Variants in WDPCP observed in about 807,000 individuals in gnomAD.
WDPCP encodes the protein WD repeat containing planar cell polarity effector.
WDPCP carries 71 observed loss-of-function variants against 93.1 expected under a neutral mutation model. The ratio of observed to expected loss-of-function variants is 0.76; its 90% CI spans 0.63 to 0.93. WDPCP has a LOEUF of 0.93. Ranked by LOEUF, WDPCP falls within the 40% of genes least tolerant of loss-of-function variation. WDPCP has a pLI of 0.00. For missense variants in WDPCP, 844 were observed against 887.4 expected (o/e 0.95, Z 0.62); for synonymous variants, 315 against 315.0 (o/e 1.00, Z 0.00).
intron 10 of WDPCP, among the ~76,000 whole-genome samples, chr2:63,388,617 G>C (rs541072668): frequency 2.6e-5 from 4 of 152,192 alleles, no homozygotes; most frequent in African/African-American, 4.8e-5. Context: ...AAAGGAGCAT[G>C]TTCAAACCCA....
chr2:63,506,777 A>T (rs1701902090), intron 1 of WDPCP, among the ~76,000 whole-genome samples: 1 of 152,094 alleles, frequency 6.6e-6, no homozygotes, highest in African/African-American at 2.4e-5. Flanking sequence ...CTACCACAGA[A>T]GAAAATTGAA....
chr2:63,514,587 A>G (rs571236893), intron 1 of WDPCP, among the ~76,000 whole-genome samples: 62 of 152,278 alleles, frequency 4.1e-4, no homozygotes, highest in African/African-American at 1.5e-3. Context: ...GCACTTAAAA[A>G]TAGGTACAAA....
At chr2:63,686,258 C>T (rs1160676271) in intron 2 of WDPCP, among the ~76,000 whole-genome samples, 1 of 151,996 alleles carries the variant, frequency 6.6e-6, no homozygotes, top group African/African-American at 2.4e-5. Context: ...AAGTTGCATA[C>T]AAAATCAATA....
At chr2:63,595,695 A>G (rs1292834170) in intron 3 of WDPCP, among the ~76,000 whole-genome samples, 1 of 152,220 alleles carries the variant, frequency 6.6e-6, no homozygotes, top group East Asian at 1.9e-4. Flanking sequence ...AGGGTAAGAA[A>G]TGAGCAACAA....
chr2:63,535,663 A>G lies in WDPCP; in HGVS notation c.76-42723T>C, dbSNP rs183272025. The stretch of plus-strand genomic sequence containing the variant: ...CTAGGAAAACTGGCTAGCCATATGT[A>G]GAAAGCTGAAACTGGATCCCTTCCT... On this transcript the variant is annotated intron_variant, in intron 1 of 17. Coordinates refer to ENST00000272321, the MANE Select transcript of WDPCP (RefSeq NM_015910.7). Among the ~76,000 whole-genome samples the G allele has an allele frequency of 1.4e-3, 214 of 152,344 alleles. 1 individual carries two copies. Among genetic ancestry groups the G allele is most frequent in the Non-Finnish European group, 2.7e-3 (183 of 68,010 alleles).
At chr2:63,227,226 C>T (rs1263487006) in intron 14 of WDPCP, among the ~76,000 whole-genome samples, 3 of 151,870 alleles carry the variant, frequency 2.0e-5, no homozygotes, top group Non-Finnish European at 4.4e-5. Context: ...GAACAACTTC[C>T]TTTAGTTCTA....
intron 2 of WDPCP, among the ~76,000 whole-genome samples, chr2:63,786,964 T>C (rs113114080): frequency 5.3e-5 from 8 of 152,314 alleles, no homozygotes; most frequent in African/African-American, 1.7e-4. Context: ...ATATGTCAAA[T>C]GAACGAATGA....
At chr2:63,207,382 C>A (rs1676421663) in intron 14 of WDPCP, among the ~76,000 whole-genome samples, 1 of 152,132 alleles carries the variant, frequency 6.6e-6, no homozygotes, top group African/African-American at 2.4e-5. Context: ...TTCCCCTTCA[C>A]CCTACCACCC....
At chr2:63,424,415 G>C (rs1696103360) in intron 9 of WDPCP, among the ~76,000 whole-genome samples, 1 of 152,156 alleles carries the variant, frequency 6.6e-6, no homozygotes, top group African/African-American at 2.4e-5. Flanking sequence ...ACTGAGGCAT[G>C]ACTGTTCTTC....
intron 2 of WDPCP, among the ~76,000 whole-genome samples, chr2:63,780,079 C>T (rs938183370): frequency 6.6e-6 from 1 of 152,092 alleles, no homozygotes; most frequent in Non-Finnish European, 1.5e-5. Context: ...TACCTATAAC[C>T]CCCTCACGGC....
At chr2:63,466,972 C>G (rs1023405872) in intron 6 of WDPCP, among the ~76,000 whole-genome samples, 1 of 152,002 alleles carries the variant, frequency 6.6e-6, no homozygotes, top group Non-Finnish European at 1.5e-5. Flanking sequence ...ATGAAGAGAA[C>G]AGGAAGAAAA....
chr2:63,580,507 G>C (rs1267917596), intron 1 of WDPCP, among the ~76,000 whole-genome samples: 1 of 152,084 alleles, frequency 6.6e-6, no homozygotes, highest in Non-Finnish European at 1.5e-5. Context: ...CATCACCTAT[G>C]TAATCTTCCT....
chr2:63,416,353 C>G (rs1695419826), intron 9 of WDPCP, among the ~76,000 whole-genome samples: 2 of 151,792 alleles, frequency 1.3e-5, no homozygotes, highest in Non-Finnish European at 2.9e-5. Flanking sequence ...GTGCACACCA[C>G]CACACCCAGC....
At chr2:63,504,399 T>A (rs1392490158) in intron 1 of WDPCP, among the ~76,000 whole-genome samples, 1 of 151,468 alleles carries the variant, frequency 6.6e-6, no homozygotes, top group Non-Finnish European at 1.5e-5. Context: ...CTTAAAAATA[T>A]TTTTCTGGGC....
chr2:63,763,871 G>T (rs748651886), intron 2 of WDPCP, among the ~76,000 whole-genome samples: 1 of 152,104 alleles, frequency 6.6e-6, no homozygotes, highest in Non-Finnish European at 1.5e-5. Context: ...GGTGGTGTTG[G>T]GGGGAGGGTC....
chr2:63,260,587 G>A (rs562080619), intron 13 of WDPCP, among the ~76,000 whole-genome samples: 32 of 152,310 alleles, frequency 2.1e-4, no homozygotes, highest in African/African-American at 7.5e-4. Context: ...GTCTCACTCT[G>A]TTGCCAGGCT....
intron 13 of WDPCP, among the ~76,000 whole-genome samples, chr2:63,279,308 G>A (rs1466447056): frequency 6.6e-6 from 1 of 152,128 alleles, no homozygotes; most frequent in East Asian, 1.9e-4. Context: ...TTTCATATCA[G>A]GGATGCAGGG....
At chr2:63,659,887 C>T (rs1252615455) in intron 2 of WDPCP, among the ~76,000 whole-genome samples, 1 of 152,172 alleles carries the variant, frequency 6.6e-6, no homozygotes, top group Admixed American at 6.5e-5. Context: ...TTCTCTTTTA[C>T]TCTGAAGAAC....
At chr2:63,574,922 G>A (rs181619077) in intron 1 of WDPCP, among the ~76,000 whole-genome samples, 16 of 152,188 alleles carry the variant, frequency 1.1e-4, no homozygotes, top group Admixed American at 6.5e-4. Flanking sequence ...CATTCAATAC[G>A]TGGTACTTCA....
Sources: allele counts gnomAD v4.1 joint callset (sites outside exome capture counted in the v4.1 genomes callset), GRCh38; gene constraint gnomAD v4.1.1; transcripts MANE v1.5; gene names NCBI Gene and HGNC (gene_info 2026-07-23, HGNC 2026-07-21).